SASH1: variants seen among roughly 807,000 people sequenced by gnomAD.
SASH1 encodes SAM and SH3 domain containing 1.
SASH1 carries 44 observed loss-of-function variants against 125.2 expected under a neutral mutation model. The observed-to-expected ratio is 0.35, with a 90% CI of 0.28 to 0.45. The LOEUF is 0.45. Ranked by LOEUF, SASH1 falls within the 20% of genes least tolerant of loss-of-function variation. The pLI, the probability that SASH1 is intolerant of heterozygous loss-of-function variation, is 1.00. For missense variants in SASH1, 1,426 were observed against 1,614.5 expected, an observed-to-expected ratio of 0.88 and a Z score of 2.00; for synonymous variants, 639 against 649.1, an observed-to-expected ratio of 0.98 and a Z score of 0.24.
At chr6:148,289,001 CTTTT>C (rs552526012) in intron 1 of SASH1, among the ~76,000 whole-genome samples, 2 of 148,720 alleles carry the variant, frequency 1.3e-5, no homozygotes, top group African/African-American at 4.9e-5. Flanking sequence ...TTTTTTCTTT[CTTTT>C]TTTTTTGTGA....
At chr6:148,513,941 G>A (rs936600796) in intron 8 of SASH1, 6 of 992,300 alleles carry the variant, frequency 6.0e-6, no homozygotes, top group African/African-American at 3.5e-5. Flanking sequence ...GCCCTGATGG[G>A]CCAGACAGAT....
At chr6:148,540,638 A>G (rs1284475481) in intron 17 of SASH1, 82 bp downstream of exon 17, 10 of 1,013,748 alleles carry the variant, frequency 9.9e-6, no homozygotes, top group African/African-American at 3.2e-5. Flanking sequence ...GGACGATTCT[A>G]TTCCTGTCAT....
At chr6:148,248,980 C>A in the SASH1 span, among the ~76,000 whole-genome samples, 2 of 152,108 alleles carry the variant, frequency 1.3e-5, no homozygotes, top group African/African-American at 4.8e-5. Context: ...ATTTTACATA[C>A]TGAGAAAACA....
chr6:148,215,150 C>T, the SASH1 span, among the ~76,000 whole-genome samples: 4,836 of 152,256 alleles, frequency 0.032, 120 homozygotes, highest in South Asian at 0.062. Context: ...GTTCTGCCAG[C>T]ACCTGGACAG....
intron 2 of SASH1, among the ~76,000 whole-genome samples, chr6:148,413,026 T>C (rs1297220625): frequency 6.6e-6 from 1 of 152,240 alleles, no homozygotes; most frequent in Non-Finnish European, 1.5e-5. Flanking sequence ...TGCACAGTTC[T>C]TTACTTTTAA....
At chr6:148,251,715 G>T in the SASH1 span, among the ~76,000 whole-genome samples, 699 of 151,454 alleles carry the variant, frequency 4.6e-3, 7 homozygotes, top group African/African-American at 0.016. Context: ...TAAGTTTTAG[G>T]GTACATGTGC....
intron 1 of SASH1, among the ~76,000 whole-genome samples, chr6:148,353,655 G>T (rs1345398983): frequency 6.6e-6 from 1 of 151,808 alleles, no homozygotes; most frequent in Non-Finnish European, 1.5e-5. Flanking sequence ...GGCTAGTCTC[G>T]AACTCCTGAC....
intron 1 of SASH1, among the ~76,000 whole-genome samples, chr6:148,299,540 G>A (rs556058064): frequency 7.2e-5 from 11 of 151,770 alleles, no homozygotes; most frequent in African/African-American, 2.4e-4. Context: ...AGTGGTGCAC[G>A]TCTGTAATCC....
intron 1 of SASH1, among the ~76,000 whole-genome samples, chr6:148,294,051 T>C (rs1779701460): frequency 6.6e-6 from 1 of 152,214 alleles, no homozygotes; most frequent in Admixed American, 6.5e-5. Flanking sequence ...AAAGGGAATC[T>C]ATTCTCTGAA....
At chr6:148,250,175 G>C in the SASH1 span, among the ~76,000 whole-genome samples, 16 of 152,174 alleles carry the variant, frequency 1.1e-4, no homozygotes, top group Admixed American at 9.8e-4. Flanking sequence ...GCAGATAGGG[G>C]GAGGGGCACA....
At chr6:148,457,318 T>C (rs759351410) in intron 4 of SASH1, among the ~76,000 whole-genome samples, 2 of 152,004 alleles carry the variant, frequency 1.3e-5, no homozygotes, top group Non-Finnish European at 2.9e-5. Context: ...TTAGAGACAA[T>C]GTGGTTTTGG....
At chr6:148,317,348 T>C (rs986788470) in intron 1 of SASH1, among the ~76,000 whole-genome samples, 4 of 152,198 alleles carry the variant, frequency 2.6e-5, no homozygotes, top group Non-Finnish European at 5.9e-5. Flanking sequence ...AGTTAAACAC[T>C]ATGGGTGGAT....
chr6:148,344,912 C>A (rs1432677583), intron 1 of SASH1, among the ~76,000 whole-genome samples: 1 of 152,106 alleles, frequency 6.6e-6, no homozygotes, highest in Non-Finnish European at 1.5e-5. Context: ...CGCAACACCA[C>A]ACCCGGCTGA....
chr6:148,395,863 A>G (rs1783927094), intron 2 of SASH1, among the ~76,000 whole-genome samples: 1 of 152,210 alleles, frequency 6.6e-6, no homozygotes, highest in Non-Finnish European at 1.5e-5. Context: ...TCAGGAAAGT[A>G]CTCAAGGTGG....
At chr6:148,511,569 AGTATAATTCAAAG>A (rs1274326597) in intron 8 of SASH1, among the ~76,000 whole-genome samples, 35 of 152,342 alleles carry the variant, frequency 2.3e-4, no homozygotes, top group African/African-American at 5.3e-4. Flanking sequence ...GGTACAAAGA[AGTATAATTCAAAG>A]GTATAATTCA....
intron 1 of SASH1, among the ~76,000 whole-genome samples, chr6:148,382,265 G>A (rs773876174): frequency 2.0e-5 from 3 of 152,094 alleles, no homozygotes; most frequent in African/African-American, 4.8e-5. Flanking sequence ...CCAGATCTCC[G>A]CCTTCTGTGT....
intron 1 of SASH1, among the ~76,000 whole-genome samples, chr6:148,347,071 G>A (rs1264913293): frequency 2.0e-5 from 3 of 152,080 alleles, no homozygotes; most frequent in Admixed American, 6.5e-5. Flanking sequence ...TTTTAAGAGC[G>A]GGAATTGCTA....
intron 2 of SASH1, among the ~76,000 whole-genome samples, chr6:148,419,533 C>T (rs1401634073): frequency 1.3e-5 from 2 of 152,182 alleles, no homozygotes; most frequent in East Asian, 1.9e-4. Context: ...TCTAGGTTCA[C>T]GTCATCCTTT....
chr6:148,389,106 A>G (rs1246090632), intron 1 of SASH1, among the ~76,000 whole-genome samples: 2 of 152,224 alleles, frequency 1.3e-5, no homozygotes, highest in African/African-American at 2.4e-5. Flanking sequence ...CTCTAAAGGA[A>G]GACTATAGTG....
Sources: gnomAD v4.1 joint callset for allele counts (sites outside exome capture counted in the v4.1 genomes callset) on GRCh38, gnomAD v4.1.1 for gene constraint, MANE v1.5 for transcripts, NCBI Gene and HGNC (gene_info 2026-07-23, HGNC 2026-07-21) for gene names.